Variants in SUPT7L observed in about 807,000 individuals in gnomAD.
SUPT7L encodes STAGA complex 65 subunit gamma.
SUPT7L carries 15 observed loss-of-function variants against 35.7 expected under a neutral mutation model. The observed-to-expected ratio is 0.42, with a 90% CI of 0.28 to 0.65. SUPT7L has a LOEUF of 0.65. Among genes scored for constraint, SUPT7L ranks in the 30% least tolerant of loss-of-function variants. The pLI is 0.23. For synonymous variants in SUPT7L, 168 were observed against 186.2 expected (o/e 0.90, Z 0.79); for missense variants, 434 against 522.2 (o/e 0.83, Z 1.65).
Position 27,653,395 on chromosome 2 carries a change from C to CA in SUPT7L, c.*89dup. 1 of 1,504,446 alleles carries CA rather than the reference C, an allele frequency of 6.6e-7. No individual in the cohort carries two copies. The highest frequency in any genetic ancestry group is 8.9e-7 in the Non-Finnish European group (1 of 1,129,328). The allele number at this position is 1,504,446 out of a possible 1,614,324, so 93.2% of individuals were successfully genotyped here. On this transcript the variant is annotated 3_prime_UTR_variant, in exon 6 of 6. Transcript: ENST00000337768. ...ACCACTTGTGTTTAAGAACAGGAGT[C>CA]AAATCAATTTTTAAGGAAACAGATT...
chr2:27,650,064 C>A (rs1674451008), downstream of SUPT7L: 2 of 970,804 alleles, frequency 2.1e-6, no homozygotes, highest in South Asian at 2.6e-5. Flanking sequence ...GGGCTCTAAT[C>A]AGTTTGTCTA....
chr2:27,643,843 G>A, the SUPT7L span, among the ~76,000 whole-genome samples: 226 of 152,274 alleles, frequency 1.5e-3, 1 homozygote, highest in African/African-American at 5.4e-3. This position sits in a 1 kb window ranked among gnomAD's most constrained non-coding sequence, Gnocchi z 4.0. Flanking sequence ...TTAACTTTGA[G>A]TATTTTTATA....
Position 27,661,775 on chromosome 2 carries a change from G to C in SUPT7L, c.15-387C>G, listed in dbSNP as rs1360799744. ...CATCTCACTCACTAACTCATTACCAGAACTACCATCACGCTCAATCCTGAA... is the reference window on the plus strand; with the variant it reads ...CATCTCACTCACTAACTCATTACCACAACTACCATCACGCTCAATCCTGAA... On this transcript the variant is annotated intron_variant, in intron 2 of 5. Coordinates refer to ENST00000337768, the MANE Select transcript of SUPT7L (RefSeq NM_014860.3). 8.8e-6 allele frequency: 4 copies of C among 456,292 alleles called. No individual in the cohort carries two copies. The East Asian group carries it at 1.9e-4, about 22-fold the overall frequency. The allele number at this position is 456,292 out of a possible 1,614,324, so 28.3% of individuals were successfully genotyped here. A position where few individuals can be genotyped will look rare whatever the true frequency, so the allele number is the denominator to read the frequency against.
chr2:27,661,067 A>G lies in SUPT7L; in HGVS notation c.336T>C (p.Pro112=), dbSNP rs762015093. ...LPSCPGSPPL[P]DDLLPLDCKN... Reference sequence around the variant, plus strand: ...TACAATCTAAAGGCAGGAGGTCATCAGGGAGAGGAGGTGACCCAGGGCACG... The same window carrying G: ...TACAATCTAAAGGCAGGAGGTCATCGGGGAGAGGAGGTGACCCAGGGCACG... The change falls in exon 3 of 6, where the codon CCT becomes CCC. Residue 112 remains proline (P), a synonymous_variant. Transcript: ENST00000337768. The G allele has an allele frequency of 1.2e-6, 2 of 1,614,144 alleles. No individual in the cohort carries two copies. Among genetic ancestry groups the G allele is most frequent in the South Asian group, 2.2e-5 (2 of 91,088 alleles).
Position 27,662,209 on chromosome 2 carries a change from C to T in SUPT7L, c.-17G>A. On this transcript the variant is annotated 5_prime_UTR_variant, in exon 2 of 6. Coordinates refer to ENST00000337768, the MANE Select transcript of SUPT7L (RefSeq NM_014860.3). ...CAGATTCATTGTCCATATGTCTCTTCAAGTTCAACAAACATTTATCAAATG... is the reference window on the plus strand; with the variant it reads ...CAGATTCATTGTCCATATGTCTCTTTAAGTTCAACAAACATTTATCAAATG... The T allele has an allele frequency of 6.2e-7, 1 of 1,614,006 alleles. No homozygotes were observed. The highest frequency in any genetic ancestry group is 8.5e-7 in the Non-Finnish European group (1 of 1,179,896).
At chr2:27,656,658 G>T (rs1424956970) in intron 4 of SUPT7L, among the ~76,000 whole-genome samples, 2 of 151,230 alleles carry the variant, frequency 1.3e-5, no homozygotes, top group Non-Finnish European at 2.9e-5. Flanking sequence ...TTTCAGACAG[G>T]GTCTTGCTCT....
rs77393265 is a variant in SUPT7L at position 27,657,333 on chromosome 2, G to A, written c.744+12C>T. On this transcript the variant is annotated intron_variant, in intron 4 of 5. Transcript: ENST00000337768. The surrounding 1 kb of genome is among the most constrained non-coding windows in gnomAD (Gnocchi z 5.2). ...AGACATCTGTGCCCACTTTTCAACA[G>A]GGTCGCCTCACCTGTAGCATGTAAC... The A allele has an allele frequency of 3.6e-4, 583 of 1,610,106 alleles. 3 individuals are homozygous for A. The African/African-American group carries it at 7.1e-3, about 20-fold the overall frequency.
Position 27,650,910 on chromosome 2 carries a change from A to G in SUPT7L, c.*2575T>C, listed in dbSNP as rs1674504238. 1 of 152,788 alleles carries G rather than the reference A, an allele frequency of 6.5e-6. No homozygotes were observed. The highest frequency in any genetic ancestry group is 1.5e-5 in the Non-Finnish European group (1 of 68,044). 9.5% of individuals were successfully genotyped at this position (152,788 alleles called of 1,614,324 possible). Reference sequence around the variant, plus strand: ...AAATTATATAATTGCAAACAGCTTCACTTCTCCTGTTCAACAGAGGCTTAA... The same window carrying G: ...AAATTATATAATTGCAAACAGCTTCGCTTCTCCTGTTCAACAGAGGCTTAA... On this transcript the variant is annotated 3_prime_UTR_variant, in exon 6 of 6. Coordinates refer to ENST00000337768, the MANE Select transcript of SUPT7L (RefSeq NM_014860.3).
chr2:27,645,499 ATAAT>A, the SUPT7L span, among the ~76,000 whole-genome samples: 1 of 152,088 alleles, frequency 6.6e-6, no homozygotes, highest in African/African-American at 2.4e-5. Context: ...CATTATATTC[ATAAT>A]TAATTTAGGG....
chr2:27,657,747 A>G lies in SUPT7L; in HGVS notation c.420-78T>C. ...CTCCTGTCTTCCCCAGGAGTTTTAC[A>G]ATTCCAGTCAAGCCACTGGCCTAGC... On this transcript the variant is annotated intron_variant, in intron 3 of 5. Transcript: ENST00000337768. The surrounding 1 kb of genome is among the most constrained non-coding windows in gnomAD (Gnocchi z 5.2). 7.3e-7 allele frequency: 1 copy of G among 1,369,884 alleles called. No homozygotes were observed. Among genetic ancestry groups the G allele is most frequent in the Non-Finnish European group, 9.8e-7 (1 of 1,017,168 alleles). The allele number at this position is 1,369,884 out of a possible 1,614,324, so 84.9% of individuals were successfully genotyped here. A position where few individuals can be genotyped will look rare whatever the true frequency, so the allele number is the denominator to read the frequency against.
chr2:27,661,972 T>C lies in SUPT7L; in HGVS notation c.14+207A>G, dbSNP rs530276231. On this transcript the variant is annotated intron_variant, in intron 2 of 5. Coordinates refer to ENST00000337768, the MANE Select transcript of SUPT7L (RefSeq NM_014860.3). ...CTAAATGGCATTATGCTTTCAACTTTTGACATATAGAACGTGAGAGATTTC... is the reference window on the plus strand; with the variant it reads ...CTAAATGGCATTATGCTTTCAACTTCTGACATATAGAACGTGAGAGATTTC... 1.2e-5 allele frequency: 8 copies of C among 672,174 alleles called. No individual in the cohort carries two copies. In the East Asian group the frequency reaches 2.0e-4, roughly 17 times the overall value. The allele number at this position is 672,174 out of a possible 1,614,324, so 41.6% of individuals were successfully genotyped here.
the SUPT7L span, among the ~76,000 whole-genome samples, chr2:27,644,862 G>C: frequency 6.6e-6 from 1 of 151,068 alleles, no homozygotes; most frequent in Non-Finnish European, 1.5e-5. Flanking sequence ...AGCGATTTGA[G>C]ATGCTACGTG....
At chr2:27,643,729 TG>T in the SUPT7L span, among the ~76,000 whole-genome samples, 1 of 152,240 alleles carries the variant, frequency 6.6e-6, no homozygotes, top group Non-Finnish European at 1.5e-5. This position sits in a 1 kb window ranked among gnomAD's most constrained non-coding sequence, Gnocchi z 4.0. Context: ...GTTTGTCTCA[TG>T]TTTCCTCATG....
Position 27,655,449 on chromosome 2 carries a change from G to C in SUPT7L, c.898C>G (p.Gln300Glu), listed in dbSNP as rs1281215989. ...ELEADLASGD[Q>E]SLPMGVLGAQ... is the part of the protein sequence containing the mutation. ...CCAAGCACTCCCATAGGCAGTGACTGGTCTCCAGAAGCAAGGTCAGCCTCC... is the reference window on the plus strand; with the variant it reads ...CCAAGCACTCCCATAGGCAGTGACTCGTCTCCAGAAGCAAGGTCAGCCTCC... The change falls in exon 5 of 6, where the codon CAG becomes GAG. Residue 300 changes from glutamine to glutamate, a missense_variant. Coordinates refer to ENST00000337768, the MANE Select transcript of SUPT7L (RefSeq NM_014860.3). 6.2e-7 allele frequency: 1 copy of C among 1,614,104 alleles called. No individual in the cohort carries two copies. The highest frequency in any genetic ancestry group is 8.5e-7 in the Non-Finnish European group (1 of 1,179,978).
intron 5 of SUPT7L, among the ~76,000 whole-genome samples, chr2:27,654,682 T>G (rs1485490344): frequency 6.6e-6 from 1 of 152,160 alleles, no homozygotes; most frequent in Non-Finnish European, 1.5e-5. Flanking sequence ...TTCTCCTGCC[T>G]CAGCCTCCTG....
downstream of SUPT7L, chr2:27,647,805 G>A: frequency 1.6e-6 from 2 of 1,248,230 alleles, no homozygotes; most frequent in Non-Finnish European, 2.4e-6. Flanking sequence ...TTTTTGAGGA[G>A]GCATATCACT....
At chr2:27,660,382 CCTGA>C (rs1675041470) in intron 3 of SUPT7L, among the ~76,000 whole-genome samples, 2 of 152,000 alleles carry the variant, frequency 1.3e-5, no homozygotes, top group South Asian at 4.2e-4. Flanking sequence ...CGCCACTACA[CCTGA>C]CTAATTTTTG....
In SUPT7L at chr2:27,662,293, A is replaced by G; in HGVS notation, c.-89-12T>C. 1 of 1,294,420 alleles carries G rather than the reference A, an allele frequency of 7.7e-7. No homozygotes were observed. The highest frequency in any genetic ancestry group is 1.1e-6 in the Non-Finnish European group (1 of 890,944). 80.2% of individuals were successfully genotyped at this position (1,294,420 alleles called of 1,614,324 possible). ...GTGAGATCCTTGCCCTGAAGTGAGG[A>G]AGAGAAACAGAAGCAGAATATTTCA... On this transcript the variant is annotated splice_polypyrimidine_tract_variant and intron_variant, in intron 1 of 5. Coordinates refer to ENST00000337768, the MANE Select transcript of SUPT7L (RefSeq NM_014860.3).
At chr2:27,648,009 G>A (rs1674323687), downstream of SUPT7L, 1 of 903,464 alleles carries the variant, frequency 1.1e-6, no homozygotes, top group Non-Finnish European at 1.8e-6. Context: ...GTTTGCCCAG[G>A]AGTTTCTTGC....
Sources: allele counts gnomAD v4.1 joint callset (sites outside exome capture counted in the v4.1 genomes callset), GRCh38; gene constraint gnomAD v4.1.1; non-coding constraint Gnocchi (gnomAD v3.1); transcripts MANE v1.5; gene names NCBI Gene and HGNC (gene_info 2026-07-23, HGNC 2026-07-21).